C1orf87: variants seen among roughly 807,000 people sequenced by gnomAD.
C1orf87 encodes uncharacterized protein C1orf87.
In C1orf87, 58 loss-of-function variants were observed where a neutral mutation model predicts 60.5. The ratio of observed to expected loss-of-function variants is 0.96; its 90% CI spans 0.78 to 1.19. The LOEUF (loss-of-function observed/expected upper bound fraction) is 1.19. C1orf87 is among the 50% of genes most tolerant of loss of function. The pLI is 0.00. For synonymous variants in C1orf87, 236 were observed against 227.4 expected, an observed-to-expected ratio of 1.04 and a Z score of -0.34; for missense variants, 673 against 638.6, an observed-to-expected ratio of 1.05 and a Z score of -0.58.
chr1:60,035,683 A>G (rs996886606), intron 6 of C1orf87, among the ~76,000 whole-genome samples: 3 of 152,238 alleles, frequency 2.0e-5, no homozygotes, highest in Non-Finnish European at 4.4e-5. Flanking sequence ...TTTCTATAGA[A>G]CAGATATTCA....
chr1:59,990,815 C>G lies in C1orf87; in HGVS notation c.1499G>C (p.Arg500Pro), dbSNP rs116598099. 1.9e-6 allele frequency: 3 copies of G among 1,613,908 alleles called. No individual in the cohort carries two copies. Reference sequence around the variant, plus strand: ...GTAGTTGTGAATGAGGCGTCTGGCTCGTTCCTTCTCCAGAACTCCTGTGAT... The same window carrying G: ...GTAGTTGTGAATGAGGCGTCTGGCTGGTTCCTTCTCCAGAACTCCTGTGAT... ...LSNTGVLEKE[R>P]ARRLIHNYNL... The change falls in exon 12 of 12, where the codon CGA (arginine) becomes CCA (proline). Residue 500 changes from arginine to proline, a missense_variant. Transcript: ENST00000371201.
chr1:60,062,740 A>G (rs1557480821), intron 2 of C1orf87, among the ~76,000 whole-genome samples: 1 of 152,152 alleles, frequency 6.6e-6, no homozygotes, highest in Non-Finnish European at 1.5e-5. Flanking sequence ...TCTGTCACAT[A>G]TGTTGTAAAC....
At chr1:60,021,152 C>T (rs1006999209) in intron 8 of C1orf87, among the ~76,000 whole-genome samples, 2 of 152,162 alleles carry the variant, frequency 1.3e-5, no homozygotes, top group African/African-American at 2.4e-5. Flanking sequence ...GCTTACTGTA[C>T]AGCCTACAGA....
rs1193240887 is a variant in C1orf87 at position 60,040,052 on chromosome 1, G to T, written c.612C>A (p.Ile204=). 6.2e-7 allele frequency: 1 copy of T among 1,614,214 alleles called. No individual in the cohort carries two copies. Residue 204 remains isoleucine (I), a synonymous_variant, in exon 5 of 12, where the codon ATC becomes ATA. Coordinates refer to ENST00000371201, the MANE Select transcript of C1orf87 (RefSeq NM_152377.3). ...GAAATCCTGAAGAGATTGGGTCCAG[G>T]ATCTTCAGCTCTTTCTGAAGCTTTT... is the stretch of plus-strand genomic sequence containing the variant. ...LLEKLQKELK[I]LDPISSGFLL...
intron 7 of C1orf87, among the ~76,000 whole-genome samples, chr1:60,028,397 C>G (rs1292426081): frequency 3.9e-5 from 6 of 152,112 alleles, no homozygotes; most frequent in Non-Finnish European, 8.8e-5. Context: ...TAGAGAGGCA[C>G]AACAGAAACA....
chr1:60,042,652 A>T (rs375188567), intron 3 of C1orf87, among the ~76,000 whole-genome samples: 59 of 356 alleles, frequency 0.17, no homozygotes, highest in African/African-American at 0.32. Context: ...TCATTATTTA[A>T]ATCCTTACAC....
intron 3 of C1orf87, among the ~76,000 whole-genome samples, chr1:60,051,757 G>A (rs1334008751): frequency 6.6e-6 from 1 of 152,192 alleles, no homozygotes; most frequent in Admixed American, 6.5e-5. Flanking sequence ...CAAAATGGTG[G>A]TCTGATTAAG....
At chr1:60,072,787 C>T (rs564559425) in intron 1 of C1orf87, 117 bp from the exon 2 acceptor site, 5 of 580,848 alleles carry the variant, frequency 8.6e-6, no homozygotes, top group Non-Finnish European at 1.5e-5. Flanking sequence ...CCTATATTAC[C>T]TCACTTAACA....
intron 6 of C1orf87, 82 bp from the exon 7 acceptor site, chr1:60,033,723 C>T: frequency 1.4e-6 from 2 of 1,467,946 alleles, no homozygotes; most frequent in Non-Finnish European, 9.3e-7. Flanking sequence ...CATTTCTCAA[C>T]TTTGCTACAC....
chr1:60,032,723 C>T (rs1177481529), intron 7 of C1orf87, among the ~76,000 whole-genome samples: 1 of 152,100 alleles, frequency 6.6e-6, no homozygotes, highest in Non-Finnish European at 1.5e-5. Flanking sequence ...CAGGCATGAG[C>T]CACCACGCCT....
chr1:60,034,734 C>T (rs1169108745), intron 6 of C1orf87, among the ~76,000 whole-genome samples: 1 of 152,106 alleles, frequency 6.6e-6, no homozygotes, highest in Non-Finnish European at 1.5e-5. Flanking sequence ...TGTTCTTTTC[C>T]TTAATAGGTC....
intron 8 of C1orf87, among the ~76,000 whole-genome samples, chr1:60,013,205 C>T (rs1308472420): frequency 2.6e-5 from 4 of 152,084 alleles, no homozygotes; most frequent in East Asian, 1.9e-4. Flanking sequence ...TTGGGACTTC[C>T]GTTTTTATTT....
chr1:60,065,148 GA>G (rs1217807308), intron 2 of C1orf87, among the ~76,000 whole-genome samples: 3 of 136,236 alleles, frequency 2.2e-5, no homozygotes, highest in South Asian at 2.4e-4. Context: ...TATACAAAAA[GA>G]AAAAAAAATT....
intron 2 of C1orf87, among the ~76,000 whole-genome samples, chr1:60,064,870 T>C (rs1421748781): frequency 3.3e-5 from 3 of 91,614 alleles, no homozygotes; most frequent in Non-Finnish European, 5.8e-5. Context: ...TATATATAAA[T>C]ATATATTTGT....
chr1:60,039,773 T>C (rs1330083196), intron 5 of C1orf87, 144 bp downstream of exon 5: 5 of 906,652 alleles, frequency 5.5e-6, no homozygotes, highest in Non-Finnish European at 6.7e-6. Flanking sequence ...TTTCTACACA[T>C]GAATATAAAT....
At chr1:60,041,917 A>G (rs1195061995) in intron 3 of C1orf87, among the ~76,000 whole-genome samples, 4 of 152,118 alleles carry the variant, frequency 2.6e-5, no homozygotes, top group Non-Finnish European at 5.9e-5. Flanking sequence ...ACAACTAGGG[A>G]TAGTCACTAT....
intron 2 of C1orf87, among the ~76,000 whole-genome samples, chr1:60,071,243 C>T (rs1645582384): frequency 6.6e-6 from 1 of 152,102 alleles, no homozygotes; most frequent in African/African-American, 2.4e-5. Flanking sequence ...GGATTATTTA[C>T]TAAGCATGTT....
At chr1:60,069,787 G>C (rs1181313962) in intron 2 of C1orf87, among the ~76,000 whole-genome samples, 1 of 152,056 alleles carries the variant, frequency 6.6e-6, no homozygotes, top group East Asian at 1.9e-4. Context: ...CAAGATTCCT[G>C]TGGTGATATT....
At chr1:60,039,746 T>C (rs1645305210) in intron 5 of C1orf87, among the ~76,000 whole-genome samples, 171 bp downstream of exon 5, 1 of 152,216 alleles carries the variant, frequency 6.6e-6, no homozygotes, top group Non-Finnish European at 1.5e-5. Context: ...AACTCTATTT[T>C]CTATTCGAAC....
Sources: gnomAD v4.1 joint callset for allele counts (sites outside exome capture counted in the v4.1 genomes callset) on GRCh38, gnomAD v4.1.1 for gene constraint, MANE v1.5 for transcripts, NCBI Gene and HGNC (gene_info 2026-07-23, HGNC 2026-07-21) for gene names.